Variants in PTPN4 observed in about 807,000 individuals in gnomAD.
PTPN4 encodes the protein protein tyrosine phosphatase non-receptor type 4.
Under a neutral mutation model 135.5 loss-of-function variants are expected in PTPN4, and 49 were observed. That is an observed-to-expected ratio of 0.36 (90% CI 0.29 to 0.46). The LOEUF (loss-of-function observed/expected upper bound fraction) is 0.46, where lower values mean the gene tolerates loss of function less well. PTPN4 is among the 20% of genes least tolerant of loss of function. PTPN4 has a pLI of 1.00. For missense variants in PTPN4, 860 were observed against 1,101.0 expected (o/e 0.78, Z 3.10); for synonymous variants, 333 against 369.9 (o/e 0.90, Z 1.14).
In PTPN4 at chr2:119,906,410, A is replaced by C. The variant is rs531166090; in HGVS notation, c.764+5604A>C. Among the ~76,000 whole-genome samples, 213 of 152,346 alleles carry C rather than the reference A, an allele frequency of 1.4e-3. 3 individuals are homozygous for C. In the South Asian group the frequency reaches 0.021, roughly 15 times the overall value. On this transcript the variant is annotated intron_variant, in intron 10 of 26. Transcript: ENST00000263708. Reference sequence around the variant, plus strand: ...ATGCAAAATTCCTCAACAGAATACTAGCAAAGCAAATTCAATAATACGTGA... The same window carrying C: ...ATGCAAAATTCCTCAACAGAATACTCGCAAAGCAAATTCAATAATACGTGA...
chr2:119,907,593 A>T (rs1678508156), intron 10 of PTPN4, among the ~76,000 whole-genome samples: 1 of 136,256 alleles, frequency 7.3e-6, no homozygotes, highest in South Asian at 2.7e-4. Flanking sequence ...TGGCAGAGTG[A>T]GACCCTTTCT....
At chr2:119,970,262 G>A (rs911371607) in intron 26 of PTPN4, among the ~76,000 whole-genome samples, 3 of 151,800 alleles carry the variant, frequency 2.0e-5, no homozygotes, top group East Asian at 3.9e-4. Flanking sequence ...GTCTCTCCAT[G>A]TTGACTAGGC....
intron 2 of PTPN4, among the ~76,000 whole-genome samples, chr2:119,855,809 A>AT (rs1439432553): frequency 3.3e-4 from 50 of 151,000 alleles, no homozygotes; most frequent in African/African-American, 9.3e-4. Flanking sequence ...TTTATTTATT[A>AT]TTATTTTTTT....
At chr2:119,820,256 C>A (rs1001754129) in intron 2 of PTPN4, among the ~76,000 whole-genome samples, 2 of 152,184 alleles carry the variant, frequency 1.3e-5, no homozygotes, top group Non-Finnish European at 2.9e-5. Context: ...CTTTGTATGT[C>A]TCTCCTGAAG....
intron 2 of PTPN4, among the ~76,000 whole-genome samples, chr2:119,856,289 T>TA (rs889164316): frequency 6.6e-6 from 1 of 152,206 alleles, no homozygotes; most frequent in Admixed American, 6.5e-5. Flanking sequence ...AGTGTGATGT[T>TA]ACAGTATCTG....
intron 1 of PTPN4, among the ~76,000 whole-genome samples, chr2:119,799,260 T>C (rs562837380): frequency 6.6e-6 from 1 of 152,326 alleles, no homozygotes; most frequent in African/African-American, 2.4e-5. Context: ...AGTGAAATGC[T>C]GAAAAGTTAT....
At chr2:119,845,102 C>A (rs1305686119) in intron 2 of PTPN4, among the ~76,000 whole-genome samples, 2 of 149,582 alleles carry the variant, frequency 1.3e-5, no homozygotes, top group Non-Finnish European at 3.0e-5. Context: ...ACCAGTCAGG[C>A]GTGGCGGCGC....
intron 2 of PTPN4, among the ~76,000 whole-genome samples, chr2:119,859,815 G>A (rs1490569550): frequency 6.6e-6 from 1 of 152,216 alleles, no homozygotes; most frequent in Non-Finnish European, 1.5e-5. Flanking sequence ...GGTGGCACAT[G>A]AAACTAGGCT....
chr2:119,773,896 C>T (rs1690781316), intron 1 of PTPN4, among the ~76,000 whole-genome samples: 1 of 152,104 alleles, frequency 6.6e-6, no homozygotes, highest in Admixed American at 6.5e-5. Context: ...TACATGGTAT[C>T]ATTTGCAGTT....
chr2:119,784,361 G>A (rs543238720), intron 1 of PTPN4, among the ~76,000 whole-genome samples: 23 of 147,524 alleles, frequency 1.6e-4, no homozygotes, highest in Non-Finnish European at 3.1e-4. Flanking sequence ...GGGGCTACAG[G>A]TGCACACCAC....
chr2:119,808,342 C>T (rs1691518865), intron 1 of PTPN4, among the ~76,000 whole-genome samples: 1 of 152,094 alleles, frequency 6.6e-6, no homozygotes, highest in African/African-American at 2.4e-5. Context: ...CATCTCAGCC[C>T]AAAATCTCCT....
intron 5 of PTPN4, among the ~76,000 whole-genome samples, 186 bp from the exon 6 acceptor site, chr2:119,881,600 T>A (rs963107755): frequency 6.6e-6 from 1 of 152,140 alleles, no homozygotes; most frequent in Non-Finnish European, 1.5e-5. Context: ...CATCAAAGAG[T>A]TTTAAAGATT....
intron 2 of PTPN4, among the ~76,000 whole-genome samples, chr2:119,849,635 A>G (rs1271032565): frequency 1.3e-5 from 2 of 152,174 alleles, no homozygotes; most frequent in African/African-American, 4.8e-5. Flanking sequence ...TATTGTAACT[A>G]TTGATAATAT....
chr2:119,783,982 A>G (rs978463574), intron 1 of PTPN4, among the ~76,000 whole-genome samples: 4 of 151,368 alleles, frequency 2.6e-5, no homozygotes, highest in Admixed American at 6.6e-5. Flanking sequence ...TCATATGTCT[A>G]ATGACTGAAG....
At chr2:119,958,488 G>A (rs1284453945) in intron 22 of PTPN4, among the ~76,000 whole-genome samples, 1 of 152,148 alleles carries the variant, frequency 6.6e-6, no homozygotes, top group East Asian at 1.9e-4. Context: ...CTCTTACGCA[G>A]TTTCAAGAGC....
At position 119,769,343 on chromosome 2, in the gene PTPN4, G is replaced by A. The variant is rs148353256; in HGVS notation, c.-18+8959G>A. Among the ~76,000 whole-genome samples, 551 of 152,324 alleles carry A rather than the reference G, an allele frequency of 3.6e-3. 3 individuals are homozygous for A. The highest frequency in any genetic ancestry group is 0.013 in the African/African-American group (530 of 41,578). ...TCTCAGCTAGTTGGTTTTCCAGTGTGTTCAGGCGAGCTGCCTGTATCAGAA... is the reference window on the plus strand; with the variant it reads ...TCTCAGCTAGTTGGTTTTCCAGTGTATTCAGGCGAGCTGCCTGTATCAGAA... On this transcript the variant is annotated intron_variant, in intron 1 of 26. Coordinates refer to ENST00000263708, the MANE Select transcript of PTPN4 (RefSeq NM_002830.4).
Position 119,932,485 on chromosome 2 carries a change from A to C in PTPN4, c.1132A>C (p.Ile378Leu), listed in dbSNP as rs757119197. The change falls in exon 14 of 27, where the codon ATA becomes CTA. Residue 378 changes from isoleucine to leucine, a missense_variant. Around this residue, in one of 2 missense-constraint regions of PTPN4, gnomAD observed 684 missense variants for 807.0 expected, o/e 0.85. Transcript: ENST00000263708. ...MDWEVVSRNS[I>L]SDDRLETQSL... ...TTGGGAAGTAGTAAGCAGAAATTCA[A>C]TATCTGATGACAGGTTAGAAACACA... The C allele has an allele frequency of 6.2e-7, 1 of 1,611,642 alleles. No individual in the cohort carries two copies. The highest frequency in any genetic ancestry group is 1.7e-5 in the Admixed American group (1 of 59,988).
intron 1 of PTPN4, among the ~76,000 whole-genome samples, chr2:119,791,733 G>C (rs1040578862): frequency 2.0e-5 from 3 of 152,128 alleles, no homozygotes; most frequent in African/African-American, 4.8e-5. Flanking sequence ...TTTGATTTTT[G>C]ACCACTTGAC....
chr2:119,894,543 C>T (rs1256591981), intron 9 of PTPN4, among the ~76,000 whole-genome samples: 2 of 152,176 alleles, frequency 1.3e-5, no homozygotes, highest in East Asian at 3.8e-4. Context: ...AGCATACAAA[C>T]ATTTTTTTCA....
Sources: gnomAD v4.1 joint callset for allele counts (sites outside exome capture counted in the v4.1 genomes callset) on GRCh38, gnomAD v4.1.1 for gene constraint, gnomAD v4.1.1 regional missense constraint, MANE v1.5 for transcripts, NCBI Gene and HGNC (gene_info 2026-07-23, HGNC 2026-07-21) for gene names.